KCNAB1: variants seen among roughly 807,000 people sequenced by gnomAD.
The protein encoded by KCNAB1 is potassium voltage-gated channel subfamily A regulatory beta subunit 1, also known as voltage-gated potassium channel subunit beta-1.
KCNAB1 carries 35 observed loss-of-function variants against 64.6 expected under a neutral mutation model. The ratio of observed to expected loss-of-function variants is 0.54; its 90% CI spans 0.41 to 0.72. The LOEUF is 0.72. Ranked by LOEUF, KCNAB1 falls within the 30% of genes least tolerant of loss-of-function variation. The probability of loss-of-function intolerance (pLI) is 0.00; values close to 1 mark genes in which losing one functional copy is unlikely to be tolerated. For synonymous variants in KCNAB1, 177 were observed against 183.8 expected (o/e 0.96, Z 0.30); for missense variants, 401 against 512.9 (o/e 0.78, Z 2.11).
chr3:156,432,162 A>T (rs1427288929), intron 2 of KCNAB1, among the ~76,000 whole-genome samples: 1 of 152,154 alleles, frequency 6.6e-6, no homozygotes, highest in East Asian at 1.9e-4. Context: ...GCCTTCCCCT[A>T]CTTATTTGGC....
intron 8 of KCNAB1, among the ~76,000 whole-genome samples, chr3:156,478,913 T>A (rs1239538020): frequency 6.6e-6 from 1 of 152,032 alleles, no homozygotes; most frequent in African/African-American, 2.4e-5. Flanking sequence ...ATTCCAAAGG[T>A]GCAATCAGTG....
intron 2 of KCNAB1, among the ~76,000 whole-genome samples, chr3:156,436,755 A>G (rs1028884751): frequency 6.6e-6 from 1 of 152,136 alleles, no homozygotes; most frequent in Admixed American, 6.5e-5. Context: ...CCACTTTTTA[A>G]TGGGGTTGTT....
chr3:156,225,503 A>G (rs1387864882), intron 1 of KCNAB1, among the ~76,000 whole-genome samples: 3 of 152,218 alleles, frequency 2.0e-5, no homozygotes, highest in Non-Finnish European at 4.4e-5. Flanking sequence ...CCCCCTGAGA[A>G]CTGGAACAAG....
chr3:156,392,365 A>G (rs972335062), intron 1 of KCNAB1, among the ~76,000 whole-genome samples: 3 of 152,206 alleles, frequency 2.0e-5, no homozygotes, highest in Non-Finnish European at 2.9e-5. Context: ...TTTGTGTCCT[A>G]TTGTAAAAGG....
intron 8 of KCNAB1, among the ~76,000 whole-genome samples, chr3:156,487,781 T>A (rs910666914): frequency 3.3e-5 from 5 of 152,020 alleles, no homozygotes; most frequent in African/African-American, 1.2e-4. Context: ...AGTTTGGTAA[T>A]TAAACAAACC....
chr3:156,532,319 T>A (rs939584840), intron 13 of KCNAB1, among the ~76,000 whole-genome samples: 3 of 152,166 alleles, frequency 2.0e-5, no homozygotes, highest in African/African-American at 7.2e-5. Flanking sequence ...GTATCTATTG[T>A]GACCACCTCC....
In KCNAB1 at chr3:156,448,058, T is replaced by G. The variant is rs559604956; in HGVS notation, c.320-4841T>G. ...TCTTCTTTTTACCTTTCATCCATCA[T>G]TTTTCTGTGCTATGGTAGATTTACT... On this transcript the variant is annotated intron_variant, in intron 2 of 13. Transcript: ENST00000490337. Among the ~76,000 whole-genome samples, 3 of 152,312 alleles carry G rather than the reference T, an allele frequency of 2.0e-5. No homozygotes were observed. The South Asian group carries it at 6.2e-4, about 32-fold the overall frequency.
intron 1 of KCNAB1, among the ~76,000 whole-genome samples, chr3:156,306,245 G>T (rs1336073798): frequency 6.6e-6 from 1 of 152,178 alleles, no homozygotes; most frequent in Non-Finnish European, 1.5e-5. Context: ...TCCCTGTGTG[G>T]CATGTTCAGT....
intron 1 of KCNAB1, among the ~76,000 whole-genome samples, chr3:156,145,053 A>G (rs978894157): frequency 6.6e-6 from 1 of 152,122 alleles, no homozygotes; most frequent in Non-Finnish European, 1.5e-5. Context: ...TGAGACACCT[A>G]TGTGGATTCC....
At chr3:156,270,159 G>A (rs996724176) in intron 1 of KCNAB1, among the ~76,000 whole-genome samples, 3 of 152,004 alleles carry the variant, frequency 2.0e-5, no homozygotes, top group African/African-American at 4.8e-5. Flanking sequence ...CTCGTGATCT[G>A]TCCGCCTCGG....
At chr3:156,361,163 C>T (rs1725585467) in intron 1 of KCNAB1, among the ~76,000 whole-genome samples, 1 of 152,172 alleles carries the variant, frequency 6.6e-6, no homozygotes, top group Non-Finnish European at 1.5e-5. Context: ...CTTCTCATCT[C>T]AGCTTACTCT....
intron 1 of KCNAB1, among the ~76,000 whole-genome samples, chr3:156,316,080 AT>A (rs1220389944): frequency 6.6e-6 from 1 of 152,260 alleles, no homozygotes; most frequent in African/African-American, 2.4e-5. Flanking sequence ...ACTAGTTTAC[AT>A]TTATGTAGCA....
At chr3:156,493,714 C>T (rs1715805328) in intron 8 of KCNAB1, among the ~76,000 whole-genome samples, 2 of 152,122 alleles carry the variant, frequency 1.3e-5, no homozygotes, top group Admixed American at 6.6e-5. Context: ...TGGATCAGCT[C>T]TTCAGGCTTT....
intron 1 of KCNAB1, among the ~76,000 whole-genome samples, chr3:156,192,181 C>G (rs941100456): frequency 6.6e-6 from 1 of 152,222 alleles, no homozygotes; most frequent in Admixed American, 6.5e-5. Flanking sequence ...TCCATGTTGT[C>G]GCCTGTAGCA....
At chr3:156,501,852 C>G (rs192063159) in intron 8 of KCNAB1, among the ~76,000 whole-genome samples, 1 of 152,212 alleles carries the variant, frequency 6.6e-6, no homozygotes, top group Non-Finnish European at 1.5e-5. Flanking sequence ...CTGGGGAGGT[C>G]TCAGAATCAT....
At chr3:156,455,416 A>T (rs981015127) in intron 3 of KCNAB1, among the ~76,000 whole-genome samples, 3 of 152,232 alleles carry the variant, frequency 2.0e-5, no homozygotes, top group Admixed American at 6.5e-5. Flanking sequence ...AAGGATACAA[A>T]CACCAAACTC....
chr3:156,359,383 G>GA, intron 1 of KCNAB1, among the ~76,000 whole-genome samples: 1 of 151,928 alleles, frequency 6.6e-6, no homozygotes, highest in South Asian at 2.1e-4. Flanking sequence ...ATGAGTTTAA[G>GA]AAAATGTGCA....
intron 1 of KCNAB1, among the ~76,000 whole-genome samples, chr3:156,143,658 A>C (rs1382302878): frequency 6.7e-6 from 1 of 148,706 alleles, no homozygotes; most frequent in African/African-American, 2.5e-5. Context: ...TCATCTGTGG[A>C]AACTCCTAAC....
intron 1 of KCNAB1, among the ~76,000 whole-genome samples, chr3:156,359,163 G>A (rs1158935020): frequency 1.3e-5 from 2 of 152,132 alleles, no homozygotes; most frequent in African/African-American, 4.8e-5. Context: ...GAGTCATTCT[G>A]TTGGTACTTA....
Sources: gnomAD v4.1 joint callset for allele counts (sites outside exome capture counted in the v4.1 genomes callset) on GRCh38, gnomAD v4.1.1 for gene constraint, MANE v1.5 for transcripts, NCBI Gene and HGNC (gene_info 2026-07-23, HGNC 2026-07-21) for gene names.